Variants in MAD1L1 observed in about 807,000 individuals in gnomAD.
MAD1L1 encodes the protein mitotic arrest deficient 1 like 1.
MAD1L1 carries 95 observed loss-of-function variants against 96.9 expected under a neutral mutation model. The observed-to-expected ratio is 0.98, with a 90% CI of 0.83 to 1.16. MAD1L1 has a LOEUF of 1.16. MAD1L1 is among the 50% of genes most tolerant of loss of function. The pLI is 0.00. For synonymous variants in MAD1L1, 473 were observed against 396.6 expected, an observed-to-expected ratio of 1.19 and a Z score of -2.29; for missense variants, 1,007 against 954.4, an observed-to-expected ratio of 1.06 and a Z score of -0.73.
chr7:1,910,301 T>C (rs899235594), intron 17 of MAD1L1, among the ~76,000 whole-genome samples: 4 of 152,154 alleles, frequency 2.6e-5, no homozygotes, highest in African/African-American at 9.7e-5. Flanking sequence ...ACACCCTGCA[T>C]ATGTGGGGGG....
At chr7:2,188,102 C>T (rs970723886) in intron 10 of MAD1L1, among the ~76,000 whole-genome samples, 3 of 152,312 alleles carry the variant, frequency 2.0e-5, no homozygotes, top group East Asian at 1.9e-4. Flanking sequence ...TTCAAATGAG[C>T]AATGTATGAT....
At chr7:2,017,362 C>T (rs1297434944) in intron 12 of MAD1L1, among the ~76,000 whole-genome samples, 2 of 152,214 alleles carry the variant, frequency 1.3e-5, no homozygotes, top group African/African-American at 2.4e-5. Flanking sequence ...GGTACAGAAA[C>T]GTCCCGGTTC....
chr7:1,848,950 C>T (rs1783795031), intron 18 of MAD1L1: 2 of 154,478 alleles, frequency 1.3e-5, no homozygotes, highest in Non-Finnish European at 1.5e-5. Flanking sequence ...AAATAACACT[C>T]ATCACCCATC....
chr7:2,222,220 C>T (rs1793646012), intron 5 of MAD1L1, among the ~76,000 whole-genome samples: 1 of 151,960 alleles, frequency 6.6e-6, no homozygotes, highest in South Asian at 2.1e-4. Flanking sequence ...GCTGGGACTA[C>T]AGGTGCGCAC....
intron 12 of MAD1L1, among the ~76,000 whole-genome samples, chr7:2,052,593 A>G (rs926231981): frequency 5.3e-5 from 8 of 152,222 alleles, no homozygotes; most frequent in African/African-American, 1.7e-4. Context: ...ACTTACGTTT[A>G]TAAGTCCTTA....
At position 2,199,670 on chromosome 7, in the gene MAD1L1, C is replaced by A. The variant is rs565150831; in HGVS notation, c.986+13542G>T. ...TGCCTCCCAGACAACGGAAACCAGA[C>A]GAGGGCCAGGCCAGGCAGACACACC... On this transcript the variant is annotated intron_variant, in intron 10 of 18. Transcript: ENST00000265854. 7.2e-5 allele frequency among the ~76,000 whole-genome samples: 11 copies of A among 152,366 alleles called. No homozygotes were observed. The South Asian group carries it at 2.3e-3, about 32-fold the overall frequency.
chr7:2,059,293 T>C (rs1431377301), intron 12 of MAD1L1, among the ~76,000 whole-genome samples: 6 of 83,544 alleles, frequency 7.2e-5, no homozygotes, highest in African/African-American at 3.0e-4. Flanking sequence ...GGAGAGGGAG[T>C]GTGGCCAGAA....
At chr7:2,174,116 G>A (rs990584041) in intron 10 of MAD1L1, among the ~76,000 whole-genome samples, 7 of 152,146 alleles carry the variant, frequency 4.6e-5, no homozygotes, top group African/African-American at 1.7e-4. Flanking sequence ...CACCATGCCT[G>A]GCCAGGATGA....
chr7:2,221,086 C>G, intron 5 of MAD1L1: 1 of 1,537,626 alleles, frequency 6.5e-7, no homozygotes, highest in Non-Finnish European at 8.8e-7. Flanking sequence ...GAGCGGCCAC[C>G]TCGGCTTAGA....
intron 18 of MAD1L1, among the ~76,000 whole-genome samples, chr7:1,822,825 G>A (rs1167799037): frequency 6.6e-6 from 1 of 150,974 alleles, no homozygotes; most frequent in Non-Finnish European, 1.5e-5. Flanking sequence ...TGCCCTTCCT[G>A]ATGTTGAGAA....
At chr7:2,094,983 G>A (rs912537161) in intron 11 of MAD1L1, among the ~76,000 whole-genome samples, 1 of 152,158 alleles carries the variant, frequency 6.6e-6, no homozygotes, top group African/African-American at 2.4e-5. Flanking sequence ...AGTGAAACAT[G>A]AGCAAAATGA....
rs965701667 is a variant in MAD1L1 at position 1,980,442 on chromosome 7, G to A, written c.1505+11C>T. 6.2e-7 allele frequency: 1 copy of A among 1,607,698 alleles called. No individual in the cohort carries two copies. The highest frequency in any genetic ancestry group is 8.5e-7 in the Non-Finnish European group (1 of 1,176,856). On this transcript the variant is annotated intron_variant, in intron 15 of 18. Transcript: ENST00000265854. Reference sequence around the variant, plus strand: ...ACCTGGGCGTGTCCGCCTCCTCTCTGGGGGACGTACCTGAGCGTGTCCGCC... The same window carrying A: ...ACCTGGGCGTGTCCGCCTCCTCTCTAGGGGACGTACCTGAGCGTGTCCGCC...
At chr7:1,932,768 T>C (rs572098240) in intron 17 of MAD1L1, among the ~76,000 whole-genome samples, 24 of 152,360 alleles carry the variant, frequency 1.6e-4, no homozygotes, top group Admixed American at 9.1e-4. Context: ...GAGACGTCCT[T>C]GAGGCACTTC....
intron 18 of MAD1L1, among the ~76,000 whole-genome samples, chr7:1,883,862 C>T (rs998167713): frequency 5.3e-5 from 8 of 152,206 alleles, no homozygotes; most frequent in African/African-American, 1.7e-4. Flanking sequence ...GAGCAGGAGC[C>T]TCGAGCGAAG....
intron 11 of MAD1L1, among the ~76,000 whole-genome samples, chr7:2,075,470 CAAA>C (rs1029336209): frequency 2.0e-5 from 3 of 152,144 alleles, no homozygotes; most frequent in African/African-American, 7.2e-5. Flanking sequence ...AGAGAAAACT[CAAA>C]AAATTAAGCC....
chr7:1,912,701 G>T (rs905782808), intron 17 of MAD1L1, among the ~76,000 whole-genome samples: 2 of 152,180 alleles, frequency 1.3e-5, no homozygotes, highest in Non-Finnish European at 2.9e-5. Flanking sequence ...TGCAGGCAGG[G>T]AGCCCACCGC....
intron 18 of MAD1L1, chr7:1,847,965 G>A: frequency 2.9e-6 from 1 of 350,870 alleles, no homozygotes; most frequent in South Asian, 2.1e-5. Context: ...CCAGATGCAA[G>A]CCAGTCTCAG....
At chr7:2,020,210 G>A (rs1024991691) in intron 12 of MAD1L1, among the ~76,000 whole-genome samples, 1 of 152,168 alleles carries the variant, frequency 6.6e-6, no homozygotes, top group African/African-American at 2.4e-5. Flanking sequence ...GCAGTGCCAT[G>A]GACAGCCTCA....
rs975823683 is a variant in MAD1L1 at position 1,980,286 on chromosome 7, A to G, written c.1505+167T>C. Among the ~76,000 whole-genome samples, 3 of 148,312 alleles carry G rather than the reference A, an allele frequency of 2.0e-5. No homozygotes were observed. The Admixed American group carries it at 2.0e-4, about 10-fold the overall frequency. Reference sequence around the variant, plus strand: ...CCCACCCCACAGGACACACCTGAGCACGTCCGCCTCTTCCTCCGTGGGACA... The same window carrying G: ...CCCACCCCACAGGACACACCTGAGCGCGTCCGCCTCTTCCTCCGTGGGACA... On this transcript the variant is annotated intron_variant, in intron 15 of 18. Coordinates refer to ENST00000265854, the MANE Select transcript of MAD1L1 (RefSeq NM_001013836.2).
Sources: gnomAD v4.1 joint callset for allele counts (sites outside exome capture counted in the v4.1 genomes callset) on GRCh38, gnomAD v4.1.1 for gene constraint, MANE v1.5 for transcripts, NCBI Gene and HGNC (gene_info 2026-07-23, HGNC 2026-07-21) for gene names.